The following NDUFAF5 variants were observed in gnomAD, a reference collection of about 807,000 sequenced individuals.
NDUFAF5 encodes NADH:ubiquinone oxidoreductase complex assembly factor 5.
NDUFAF5 carries 34 observed loss-of-function variants against 48.9 expected under a neutral mutation model. The ratio of observed to expected loss-of-function variants is 0.70; its 90% CI spans 0.53 to 0.93. The LOEUF is 0.93. Ranked by LOEUF, NDUFAF5 falls within the 40% of genes least tolerant of loss-of-function variation. The pLI is 0.00. For synonymous variants in NDUFAF5, 153 were observed against 150.6 expected (o/e 1.02, Z -0.12); for missense variants, 428 against 427.5 (o/e 1.00, Z -0.01).
At chr20:13,813,549 T>C (rs1158335580) in intron 8 of NDUFAF5, among the ~76,000 whole-genome samples, 1 of 152,218 alleles carries the variant, frequency 6.6e-6, no homozygotes, top group Non-Finnish European at 1.5e-5. Flanking sequence ...AGGGAGCTTA[T>C]GTTGTACTAG....
In NDUFAF5 at chr20:13,817,958, T is replaced by A. The variant is rs776063014; in HGVS notation, c.*748T>A. ...CAGCTTAGGATAGGTGAGAAGAACA[T>A]AGAGGAAGCAGGGAGAAGGCTGAGA... On this transcript the variant is annotated 3_prime_UTR_variant, in exon 11 of 11. Coordinates refer to ENST00000378106, the MANE Select transcript of NDUFAF5 (RefSeq NM_024120.5). 6.6e-6 allele frequency: 3 copies of A among 454,042 alleles called. No homozygotes were observed. Among genetic ancestry groups the A allele is most frequent in the South Asian group, 4.7e-5 (3 of 64,484 alleles). 28.1% of individuals were successfully genotyped at this position (454,042 alleles called of 1,614,324 possible).
chr20:13,801,550 A>G lies in NDUFAF5; in HGVS notation c.584A>G (p.Tyr195Cys), dbSNP rs766140910. Residue 195 changes from tyrosine (Y) to cysteine (C), a missense_variant, in exon 7 of 11, where the codon TAT becomes TGT. Tyr to Cys is a radical substitution (Grantham distance 194). Transcript: ENST00000378106. ...GCAATGTTTGGAGGCGACACACTCT[A>G]TGAACTTCGGTGTTCCTTACAGTTA... is the stretch of plus-strand genomic sequence containing the variant. ...IGAMFGGDTL[Y>C]ELRCSLQLAE... The G allele has an allele frequency of 6.8e-6, 11 of 1,614,106 alleles. No homozygotes were observed. Among genetic ancestry groups the G allele is most frequent in the Middle Eastern group, 1.6e-4 (1 of 6,062 alleles).
In NDUFAF5 at chr20:13,818,283, A is replaced by C. The variant is rs561619471; in HGVS notation, c.*1073A>C. Reference sequence around the variant, plus strand: ...TAACAAACTTGCCCTTTGAAAGACTAAGTTATAGTTAAAAACCAAGATTTG... The same window carrying C: ...TAACAAACTTGCCCTTTGAAAGACTCAGTTATAGTTAAAAACCAAGATTTG... On this transcript the variant is annotated 3_prime_UTR_variant, in exon 11 of 11. Transcript: ENST00000378106. 1 of 449,612 alleles carries C rather than the reference A, an allele frequency of 2.2e-6. No homozygotes were observed. The highest frequency in any genetic ancestry group is 7.0e-5 in the East Asian group (1 of 14,368). The allele number at this position is 449,612 out of a possible 1,614,324, so 27.9% of individuals were successfully genotyped here.
At chr20:13,798,327 G>T in intron 5 of NDUFAF5, 134 bp from the exon 6 acceptor site, 3 of 719,464 alleles carry the variant, frequency 4.2e-6, no homozygotes, top group South Asian at 1.5e-5. Flanking sequence ...GTATGAAAAC[G>T]ATCAGTGGAT....
intron 6 of NDUFAF5, among the ~76,000 whole-genome samples, chr20:13,799,167 G>A (rs1299775844): frequency 1.3e-5 from 2 of 152,166 alleles, no homozygotes; most frequent in Non-Finnish European, 2.9e-5. Context: ...GAAGTGAGGT[G>A]TGATGTATTG....
chr20:13,787,937 T>C (rs542790798), intron 2 of NDUFAF5, among the ~76,000 whole-genome samples: 9 of 152,214 alleles, frequency 5.9e-5, no homozygotes, highest in South Asian at 2.1e-4. Flanking sequence ...TCTGTACCAA[T>C]GTAGCATAAC....
At chr20:13,786,909 A>G (rs1055205964) in intron 1 of NDUFAF5, among the ~76,000 whole-genome samples, 2 of 152,222 alleles carry the variant, frequency 1.3e-5, no homozygotes, top group African/African-American at 2.4e-5. Context: ...TTAAGTGACC[A>G]CTTACATACT....
rs1403919540 is a variant in NDUFAF5 at position 13,820,397 on chromosome 20, CAT to C, written c.*3188_*3189del. ...ATTACAGTATGACCTGCATTAAAGA[CAT>C]GTACAGTTTTTTGGCCGGCTGCAGT... On this transcript the variant is annotated 3_prime_UTR_variant, in exon 11 of 11. Coordinates refer to ENST00000378106, the MANE Select transcript of NDUFAF5 (RefSeq NM_024120.5). 7.9e-5 allele frequency: 12 copies of C among 152,086 alleles called. No individual in the cohort carries two copies. The East Asian group carries it at 1.5e-3, about 20-fold the overall frequency. The allele number at this position is 152,086 out of a possible 1,614,324, so 9.4% of individuals were successfully genotyped here. A position where few individuals can be genotyped will look rare whatever the true frequency, so the allele number is the denominator to read the frequency against.
At chr20:13,787,263 A>C in intron 1 of NDUFAF5, 49 bp from the exon 2 acceptor site, 1 of 1,594,764 alleles carries the variant, frequency 6.3e-7, no homozygotes, top group South Asian at 1.1e-5. Flanking sequence ...TGAATACTGG[A>C]AAAAGAGTGT....
intron 5 of NDUFAF5, among the ~76,000 whole-genome samples, chr20:13,796,800 G>A (rs891610862): frequency 2.0e-5 from 3 of 152,184 alleles, no homozygotes; most frequent in Non-Finnish European, 4.4e-5. Context: ...GCTACGTGGT[G>A]AAACCCTGTC....
At chr20:13,793,679 C>G (rs1982709459) in intron 4 of NDUFAF5, among the ~76,000 whole-genome samples, 1 of 152,206 alleles carries the variant, frequency 6.6e-6, no homozygotes, top group Non-Finnish European at 1.5e-5. Context: ...CAATAACCAA[C>G]ACTGCAGTGA....
chr20:13,810,858 A>G (rs946110812), intron 8 of NDUFAF5, among the ~76,000 whole-genome samples: 1 of 152,174 alleles, frequency 6.6e-6, no homozygotes, highest in African/African-American at 2.4e-5. Flanking sequence ...TTTGAAAACA[A>G]GAAGTTCCCA....
At chr20:13,792,727 C>T (rs1982490816) in intron 3 of NDUFAF5, among the ~76,000 whole-genome samples, 1 of 152,134 alleles carries the variant, frequency 6.6e-6, no homozygotes, top group African/African-American at 2.4e-5. Flanking sequence ...AGAAATAGCA[C>T]AGTCTCCTTT....
intron 1 of NDUFAF5, 28 bp downstream of exon 1, chr20:13,785,318 G>GGGC (rs772878501): frequency 6.4e-7 from 1 of 1,565,246 alleles, no homozygotes; most frequent in South Asian, 1.1e-5. Context: ...CGGGGCGGCG[G>GGGC]GGCGGGCGAC....
In NDUFAF5 at chr20:13,801,922, A is replaced by G. The variant is rs1037746335; in HGVS notation, c.717+239A>G. 2.4e-5 allele frequency: 11 copies of G among 462,688 alleles called. No homozygotes were observed. The East Asian group carries it at 3.7e-4, about 15-fold the overall frequency. The allele number at this position is 462,688 out of a possible 1,614,324, so 28.7% of individuals were successfully genotyped here. ...GTTACCTTAAAAAGTAGCTCAAAAA[A>G]TGTATCATAGTTAACAAGACAAATT... is the stretch of plus-strand genomic sequence containing the variant. On this transcript the variant is annotated intron_variant, in intron 7 of 10. Coordinates refer to ENST00000378106, the MANE Select transcript of NDUFAF5 (RefSeq NM_024120.5).
intron 4 of NDUFAF5, among the ~76,000 whole-genome samples, chr20:13,793,913 G>A (rs1982752717): frequency 6.6e-6 from 1 of 152,192 alleles, no homozygotes; most frequent in Non-Finnish European, 1.5e-5. Flanking sequence ...TCTGACAGCT[G>A]CTGATATCTT....
At position 13,788,632 on chromosome 20, in the gene NDUFAF5, A is replaced by T. The variant is rs768781596; in HGVS notation, c.307A>T (p.Ile103Phe). 39 of 1,610,212 alleles carry T rather than the reference A, an allele frequency of 2.4e-5. No individual in the cohort carries two copies. Among genetic ancestry groups the T allele is most frequent in the Non-Finnish European group, 3.1e-5 (37 of 1,176,706 alleles). Residue 103 changes from isoleucine to phenylalanine, a missense_variant, in exon 3 of 11, where the codon ATT (isoleucine) becomes TTT (phenylalanine). Transcript: ENST00000378106. ...ALDLGCGRGY[I>F]AQYLNKETIG... ...GGATCTTGGTTGTGGAAGAGGTTAC[A>T]TTGCACAATATTTGAATAAGGTATA...
intron 1 of NDUFAF5, among the ~76,000 whole-genome samples, chr20:13,785,701 C>G (rs1211329141): frequency 6.6e-6 from 1 of 152,076 alleles, no homozygotes; most frequent in African/African-American, 2.4e-5. Flanking sequence ...TGAAAGGTGA[C>G]TAGTCCAATT....
At chr20:13,810,612 G>GT (rs1015567580) in intron 8 of NDUFAF5, among the ~76,000 whole-genome samples, 61 of 146,444 alleles carry the variant, frequency 4.2e-4, no homozygotes, top group East Asian at 6.0e-4. Context: ...AGATGAGGTT[G>GT]TTTTTTTTTT....
Sources: allele counts gnomAD v4.1 joint callset (sites outside exome capture counted in the v4.1 genomes callset), GRCh38; gene constraint gnomAD v4.1.1; transcripts MANE v1.5; gene names NCBI Gene and HGNC (gene_info 2026-07-23, HGNC 2026-07-21).